Variants in XPR1 observed in about 807,000 individuals in gnomAD.
The protein encoded by XPR1 is solute carrier family 53 member 1.
Under a neutral mutation model 87.5 loss-of-function variants are expected in XPR1, and 28 were observed. The ratio of observed to expected loss-of-function variants is 0.32; its 90% confidence interval spans 0.24 to 0.44. The LOEUF (loss-of-function observed/expected upper bound fraction) is 0.44, where lower values mean the gene tolerates loss of function less well. XPR1 is among the 20% of genes least tolerant of loss of function. XPR1 has a pLI of 1.00. For missense variants in XPR1, 559 were observed against 862.3 expected, an observed-to-expected ratio of 0.65 and a Z score of 4.41; for synonymous variants, 300 against 306.1, an observed-to-expected ratio of 0.98 and a Z score of 0.21.
intron 1 of XPR1, among the ~76,000 whole-genome samples, chr1:180,669,538 C>G (rs377137873): frequency 7.6e-4 from 115 of 152,120 alleles, no homozygotes; most frequent in African/African-American, 2.7e-3. Context: ...CATGCACCAC[C>G]ATTTAGTAGA....
At chr1:180,778,727 A>T (rs1192590107) in intron 2 of XPR1, among the ~76,000 whole-genome samples, 1 of 152,184 alleles carries the variant, frequency 6.6e-6, no homozygotes, top group African/African-American at 2.4e-5. Context: ...AAAAAAAATC[A>T]GTTTGATCGT....
Position 180,632,058 on chromosome 1 carries a change from T to G in XPR1, c.-144T>G, listed in dbSNP as rs1654595245. On this transcript the variant is annotated 5_prime_UTR_variant, in exon 1 of 15. It removes the in-frame stop codon of an upstream open reading frame in the 5' UTR. Coordinates refer to ENST00000367590, the MANE Select transcript of XPR1 (RefSeq NM_004736.4). Reference sequence around the variant, plus strand: ...GAGGAAGATGGCGGGCGGGCTGCTCTGAAGAGACCTCGGCGGCGGCGGAGG... The same window carrying G: ...GAGGAAGATGGCGGGCGGGCTGCTCGGAAGAGACCTCGGCGGCGGCGGAGG... The G allele has an allele frequency of 1.1e-6, 1 of 934,482 alleles. No homozygotes were observed. The highest frequency in any genetic ancestry group is 1.7e-6 in the Non-Finnish European group (1 of 590,618). 57.9% of individuals were successfully genotyped at this position (934,482 alleles called of 1,614,324 possible).
At chr1:180,727,213 T>C (rs1016416769) in intron 2 of XPR1, among the ~76,000 whole-genome samples, 2 of 152,084 alleles carry the variant, frequency 1.3e-5, no homozygotes, top group African/African-American at 4.8e-5. Context: ...AATAATACAA[T>C]GTAAGTGGGA....
At chr1:180,763,653 T>C (rs559123208) in intron 2 of XPR1, among the ~76,000 whole-genome samples, 7 of 152,210 alleles carry the variant, frequency 4.6e-5, no homozygotes, top group African/African-American at 9.6e-5. Context: ...GGCAAAAATA[T>C]GTGATGGGCT....
chr1:180,650,390 T>A (rs1263675031), intron 1 of XPR1, among the ~76,000 whole-genome samples: 3 of 152,142 alleles, frequency 2.0e-5, no homozygotes, highest in Non-Finnish European at 4.4e-5. Context: ...TGCACAGCAC[T>A]ATGCCTGGCT....
chr1:180,728,131 A>G, intron 2 of XPR1, among the ~76,000 whole-genome samples: 1 of 152,186 alleles, frequency 6.6e-6, no homozygotes, highest in East Asian at 1.9e-4. Flanking sequence ...TCTTTCTGTA[A>G]AGCAAAAGGA....
intron 2 of XPR1, among the ~76,000 whole-genome samples, chr1:180,728,300 G>T (rs866695249): frequency 6.8e-6 from 1 of 146,284 alleles, no homozygotes; most frequent in Non-Finnish European, 1.5e-5. Context: ...TTATAACTGG[G>T]GGGGGGGGTA....
intron 2 of XPR1, among the ~76,000 whole-genome samples, chr1:180,702,444 C>T (rs1571741895): frequency 2.0e-5 from 3 of 151,442 alleles, no homozygotes; most frequent in Admixed American, 1.3e-4. Flanking sequence ...CTGTAGATGT[C>T]TATTAGGTCT....
intron 2 of XPR1, among the ~76,000 whole-genome samples, chr1:180,734,005 G>T (rs1171444322): frequency 6.6e-6 from 1 of 152,142 alleles, no homozygotes; most frequent in African/African-American, 2.4e-5. Flanking sequence ...TTACTGATGA[G>T]AGAAACAGTT....
At position 180,773,986 on chromosome 1, in the gene XPR1, G is replaced by A. The variant is rs116670872; in HGVS notation, c.122-13767G>A. On this transcript the variant is annotated intron_variant, in intron 2 of 14. Transcript: ENST00000367590. ...AAAAATTGCATTTTCATAGTCAGTT[G>A]TTTCCTTAATTTCATTGTTTTATAT... Among the ~76,000 whole-genome samples, 853 of 152,150 alleles carry A rather than the reference G, an allele frequency of 5.6e-3. 12 individuals are homozygous for A. The highest frequency in any genetic ancestry group is 0.02 in the African/African-American group (811 of 41,522).
chr1:180,784,118 A>G (rs940425270), intron 2 of XPR1, among the ~76,000 whole-genome samples: 1 of 152,054 alleles, frequency 6.6e-6, no homozygotes, highest in African/African-American at 2.4e-5. Context: ...AGATTCCTTT[A>G]GAATACATTT....
intron 11 of XPR1, among the ~76,000 whole-genome samples, chr1:180,846,582 C>T (rs1224789540): frequency 6.6e-6 from 1 of 151,766 alleles, no homozygotes; most frequent in East Asian, 1.9e-4. Context: ...GCTGGGATTA[C>T]ACACGCCCAC....
At chr1:180,636,978 G>C (rs1044283882) in intron 1 of XPR1, among the ~76,000 whole-genome samples, 1 of 151,402 alleles carries the variant, frequency 6.6e-6, no homozygotes, top group Non-Finnish European at 1.5e-5. Flanking sequence ...ATTGAACCGG[G>C]GAGGCGGAGG....
At chr1:180,863,453 G>C (rs1244364406) in intron 11 of XPR1, among the ~76,000 whole-genome samples, 3 of 152,082 alleles carry the variant, frequency 2.0e-5, no homozygotes, top group Admixed American at 6.5e-5. Flanking sequence ...TATGTATTCA[G>C]CATAGAGCCT....
intron 2 of XPR1, among the ~76,000 whole-genome samples, chr1:180,744,522 G>T (rs1659015990): frequency 6.6e-6 from 1 of 151,824 alleles, no homozygotes; most frequent in Admixed American, 6.6e-5. Context: ...AGATTTTCCA[G>T]GTTATTTGTA....
chr1:180,714,852 C>T (rs1025946727), intron 2 of XPR1, among the ~76,000 whole-genome samples: 7 of 151,634 alleles, frequency 4.6e-5, no homozygotes, highest in African/African-American at 7.3e-5. Context: ...CAATTTTAAT[C>T]AGTGTTTTTG....
chr1:180,810,016 G>A (rs1049530115), intron 6 of XPR1, among the ~76,000 whole-genome samples: 1 of 152,090 alleles, frequency 6.6e-6, no homozygotes, highest in Admixed American at 6.6e-5. Flanking sequence ...TACCTGAAAT[G>A]TACTATCATC....
intron 11 of XPR1, among the ~76,000 whole-genome samples, chr1:180,858,922 G>A (rs1652128017): frequency 6.6e-6 from 1 of 152,068 alleles, no homozygotes; most frequent in African/African-American, 2.4e-5. Context: ...CAATTCAAAG[G>A]TTTGATTTTT....
intron 2 of XPR1, among the ~76,000 whole-genome samples, chr1:180,742,385 T>G (rs1384559498): frequency 6.6e-6 from 1 of 152,196 alleles, no homozygotes; most frequent in African/African-American, 2.4e-5. Flanking sequence ...CTCTTTGACT[T>G]ATGGATTATA....
Sources: gnomAD v4.1 joint callset for allele counts (sites outside exome capture counted in the v4.1 genomes callset) on GRCh38, gnomAD v4.1.1 for gene constraint, MANE v1.5 for transcripts, NCBI Gene and HGNC (gene_info 2026-07-23, HGNC 2026-07-21) for gene names.